Variants in SMARCA4 observed in about 807,000 individuals in gnomAD.
SMARCA4 encodes SWI/SNF related BAF chromatin remodeling complex subunit ATPase 4, also known as SWI/SNF-related matrix-associated actin-dependent regulator of chromatin subfamily A member 4.
Under a neutral mutation model 193.9 loss-of-function variants are expected in SMARCA4, and 31 were observed. The ratio of observed to expected loss-of-function variants is 0.16; its 90% confidence interval spans 0.12 to 0.22. SMARCA4 has a LOEUF of 0.22. Among genes scored for constraint, SMARCA4 ranks in the 10% least tolerant of loss-of-function variants. The pLI is 1.00. For missense variants in SMARCA4, 1,148 were observed against 2,296.0 expected, an observed-to-expected ratio of 0.50 and a Z score of 10.22; for synonymous variants, 942 against 933.1, an observed-to-expected ratio of 1.01 and a Z score of -0.17.
chr19:10,991,957 G>C, intron 8 of SMARCA4, among the ~76,000 whole-genome samples: 1 of 152,186 alleles, frequency 6.6e-6, no homozygotes, highest in Non-Finnish European at 1.5e-5. Context: ...AGATGAATCA[G>C]TAAGACGGAA....
intron 1 of SMARCA4, among the ~76,000 whole-genome samples, chr19:10,974,685 ATATATTTTTTTTTTTTT>A (rs1487370584): frequency 1.3e-3 from 61 of 48,660 alleles, no homozygotes; most frequent in Non-Finnish European, 1.8e-3. Context: ...ATATATATAT[ATATATTTTTTTTTTTTT>A]TTTTTTTTTT....
chr19:11,027,618 G>T, intron 23 of SMARCA4, 166 bp from the exon 24 acceptor site: 1 of 747,920 alleles, frequency 1.3e-6, no homozygotes, highest in Non-Finnish European at 2.3e-6. Flanking sequence ...TGGGGGAAAT[G>T]GCTTTGCTGA....
intron 1 of SMARCA4, chr19:10,961,844 T>TA (rs1258019484): frequency 1.3e-5 from 2 of 152,244 alleles, no homozygotes; most frequent in Non-Finnish European, 2.9e-5. Context: ...CTTTGCTGTG[T>TA]AAAAGCATTG....
At position 10,984,767 on chromosome 19, in the gene SMARCA4, G is replaced by A. The variant is rs901055306; in HGVS notation, c.222+394G>A. ...TCACCTGTGCAGCTCGCAGAGCCGA[G>A]CAGCGGGTTCCCTTTCCTCCAAGGC... On this transcript the variant is annotated intron_variant, in intron 2 of 34. Coordinates refer to ENST00000344626, the MANE Select transcript of SMARCA4 (RefSeq NM_003072.5). This position sits in a 1 kb window ranked among gnomAD's most constrained non-coding sequence, Gnocchi z 4.3. 3.9e-5 allele frequency among the ~76,000 whole-genome samples: 6 copies of A among 152,358 alleles called. No homozygotes were observed. The highest frequency in any genetic ancestry group is 1.2e-4 in the African/African-American group (5 of 41,592).
chr19:11,012,807 A>G, intron 15 of SMARCA4, 142 bp from the exon 16 acceptor site: 1 of 750,414 alleles, frequency 1.3e-6, no homozygotes, highest in South Asian at 1.5e-5. Flanking sequence ...TCAGAGGAAA[A>G]ATCCGTGGTA....
In SMARCA4 at chr19:11,007,909, A is replaced by G. The variant is rs1267778216; in HGVS notation, c.2009A>G (p.Glu670Gly). 6.2e-7 allele frequency: 1 copy of G among 1,613,360 alleles called. No individual in the cohort carries two copies. The highest frequency in any genetic ancestry group is 8.5e-7 in the Non-Finnish European group (1 of 1,179,732). Residue 670 changes from glutamate (E) to glycine (G), a missense_variant, in exon 14 of 35, where the codon GAG becomes GGG. Physicochemically the swap from Glu to Gly is moderately conservative, Grantham distance 98. Transcript: ENST00000344626. ...GGGCTTGTCTCTTGGTAGGAGGAGG[A>G]GGAAGAGCAGCCGCAGGCAGCACAG... ...SGSEEEEEEEEEEQPQAAQPP... is the reference protein window; with the variant it reads ...SGSEEEEEEEGEEQPQAAQPP...
Position 11,024,311 on chromosome 19 carries a change from G to A in SMARCA4, c.2974-20G>A, listed in dbSNP as rs1319493127. The A allele has an allele frequency of 6.4e-7, 1 of 1,573,226 alleles. No homozygotes were observed. ...CTCAAGCCACCTTGGGCCCTCGTGA[G>A]CATTATGTGTCCCCTGCAGGTGGAG... On this transcript the variant is annotated intron_variant, in intron 20 of 34. Coordinates refer to ENST00000344626, the MANE Select transcript of SMARCA4 (RefSeq NM_003072.5).
At chr19:10,989,577 G>A (rs2086372607) in intron 7 of SMARCA4, 134 bp downstream of exon 7, 1 of 992,792 alleles carries the variant, frequency 1.0e-6, no homozygotes, top group Non-Finnish European at 1.5e-6. Flanking sequence ...GCCATCCATG[G>A]GCACTCAATC....
At position 10,986,680 on chromosome 19, in the gene SMARCA4, C is replaced by T. The variant is rs931102074; in HGVS notation, c.760+87C>T. The T allele has an allele frequency of 4.2e-5, 64 of 1,524,146 alleles. No individual in the cohort carries two copies. The highest frequency in any genetic ancestry group is 5.9e-5 in the Admixed American group (3 of 50,610). The allele number at this position is 1,524,146 out of a possible 1,614,324, so 94.4% of individuals were successfully genotyped here. ...GGGTGGACAGACCGTGCTCTGTTGC[C>T]GACTGGGTTCCCCGGTTTGGGATTG... On this transcript the variant is annotated intron_variant, in intron 4 of 34. Coordinates refer to ENST00000344626, the MANE Select transcript of SMARCA4 (RefSeq NM_003072.5). This position sits in a 1 kb window ranked among gnomAD's most constrained non-coding sequence, Gnocchi z 6.7.
chr19:11,055,990 C>A (rs2076527753), intron 30 of SMARCA4, among the ~76,000 whole-genome samples: 2 of 152,188 alleles, frequency 1.3e-5, no homozygotes, highest in Admixed American at 1.3e-4. Context: ...TGCTGCACGT[C>A]CTGCTTCACA....
rs1253755652 is a variant in SMARCA4, at chr19:11,011,638, G to A, written c.2274+1107G>A. 2.6e-5 allele frequency: 4 copies of A among 152,352 alleles called. No homozygotes were observed. In the East Asian group the frequency reaches 7.7e-4, roughly 29 times the overall value. 9.4% of individuals were successfully genotyped at this position (152,352 alleles called of 1,614,324 possible). A position where few individuals can be genotyped will look rare whatever the true frequency, so the allele number is the denominator to read the frequency against. On this transcript the variant is annotated intron_variant, in intron 15 of 34. Coordinates refer to ENST00000344626, the MANE Select transcript of SMARCA4 (RefSeq NM_003072.5). ...AGGCTGAGATGGGAGGATCGCATGA[G>A]CCCAGGAGTTGAAAGTGGGCCTGGG...
intron 16 of SMARCA4, among the ~76,000 whole-genome samples, chr19:11,017,207 C>T (rs1339278186): frequency 1.3e-5 from 2 of 152,248 alleles, no homozygotes. Flanking sequence ...CGCCCATTCT[C>T]AGCTTCCGTG....
chr19:11,014,670 C>T (rs887552630), intron 16 of SMARCA4, among the ~76,000 whole-genome samples: 2 of 152,196 alleles, frequency 1.3e-5, no homozygotes, highest in Admixed American at 1.3e-4. Flanking sequence ...TCCCTCCTTT[C>T]ACTTACAGAC....
chr19:10,982,085 TC>T (rs1360435657), intron 1 of SMARCA4, among the ~76,000 whole-genome samples: 10 of 152,064 alleles, frequency 6.6e-5, no homozygotes, highest in African/African-American at 2.2e-4. Context: ...ACACCTGTAA[TC>T]CCAGCACTTC....
intron 8 of SMARCA4, among the ~76,000 whole-genome samples, chr19:10,993,811 A>T (rs1417972620): frequency 1.3e-5 from 2 of 151,052 alleles, no homozygotes. Context: ...ACGCCCGGCT[A>T]ATTTTTTGTA....
rs540831772 is a variant in SMARCA4 at position 10,997,620 on chromosome 19, C to T, written c.1812+1076C>T. On this transcript the variant is annotated intron_variant, in intron 11 of 34. Transcript: ENST00000344626. ...GGATTACAGGCATAAGCCACCACGC[C>T]TGGCCTAATTTTTTAAAATTTATTT... Among the ~76,000 whole-genome samples the T allele has an allele frequency of 3.4e-4, 51 of 152,174 alleles. No homozygotes were observed. The South Asian group carries it at 9.5e-3, about 28-fold the overall frequency.
At chr19:11,021,502 G>T (rs1374868763) in intron 18 of SMARCA4, 3 of 677,328 alleles carry the variant, frequency 4.4e-6, no homozygotes, top group Non-Finnish European at 8.1e-6. Context: ...CAATAGTCAT[G>T]GGGTCACGGG....
intron 16 of SMARCA4, among the ~76,000 whole-genome samples, chr19:11,014,711 G>C (rs1298228597): frequency 6.6e-6 from 1 of 152,128 alleles, no homozygotes; most frequent in African/African-American, 2.4e-5. Flanking sequence ...CTGGAACGCC[G>C]CTCTCCAGGG....
chr19:11,049,818 C>T (rs1467930692), intron 30 of SMARCA4, among the ~76,000 whole-genome samples: 2 of 152,192 alleles, frequency 1.3e-5, no homozygotes, highest in East Asian at 1.9e-4. Flanking sequence ...AAAGACCATG[C>T]GGGCCAGGCG....
Sources: allele counts gnomAD v4.1 joint callset (sites outside exome capture counted in the v4.1 genomes callset), GRCh38; gene constraint gnomAD v4.1.1; non-coding constraint Gnocchi (gnomAD v3.1); transcripts MANE v1.5; gene names NCBI Gene and HGNC (gene_info 2026-07-23, HGNC 2026-07-21).